NUCKS1: variants seen among roughly 807,000 people sequenced by gnomAD.
The protein encoded by NUCKS1 is nuclear casein kinase and cyclin dependent kinase substrate 1.
In NUCKS1, 2 loss-of-function variants were observed where a neutral mutation model predicts 33.0. The ratio of observed to expected loss-of-function variants is 0.06; its 90% CI spans 0.02 to 0.19. The LOEUF (loss-of-function observed/expected upper bound fraction) is 0.19. Ranked by LOEUF, NUCKS1 falls within the 10% of genes least tolerant of loss-of-function variation. The pLI is 1.00. For synonymous variants in NUCKS1, 106 were observed against 102.8 expected, an observed-to-expected ratio of 1.03 and a Z score of -0.19; for missense variants, 201 against 293.6, an observed-to-expected ratio of 0.68 and a Z score of 2.31.
intron 1 of NUCKS1, 96 bp downstream of exon 1, chr1:205,749,861 C>T: frequency 7.4e-7 from 1 of 1,346,340 alleles, no homozygotes; most frequent in South Asian, 1.2e-5. Flanking sequence ...CGCGCGGCAC[C>T]GGGGATGGCG....
rs1426420576 is a variant in NUCKS1, at chr1:205,716,377, C to G, written c.*1903G>C. On this transcript the variant is annotated 3_prime_UTR_variant, in exon 7 of 7. Coordinates refer to ENST00000367142, the MANE Select transcript of NUCKS1 (RefSeq NM_022731.5). ...TGATAGGTCTTTTACTATATGAACA[C>G]AAACTTCTTTGTTAAAAATGGATAC... 1 of 152,146 alleles carries G rather than the reference C, an allele frequency of 6.6e-6. No individual in the cohort carries two copies. The highest frequency in any genetic ancestry group is 1.5e-5 in the Non-Finnish European group (1 of 68,012). 9.4% of individuals were successfully genotyped at this position (152,146 alleles called of 1,614,324 possible).
chr1:205,725,037 CTT>C (rs1653702080), intron 3 of NUCKS1, among the ~76,000 whole-genome samples: 1 of 152,180 alleles, frequency 6.6e-6, no homozygotes. Context: ...TCCTATCTCT[CTT>C]TGTTAATTTC....
intron 6 of NUCKS1, among the ~76,000 whole-genome samples, chr1:205,718,834 G>C (rs1671873705): frequency 6.6e-6 from 1 of 152,126 alleles, no homozygotes; most frequent in African/African-American, 2.4e-5. Flanking sequence ...TTTATAAAAA[G>C]CAGGTCAAAA....
Position 205,717,826 on chromosome 1 carries a change from C to A in NUCKS1, c.*454G>T. On this transcript the variant is annotated 3_prime_UTR_variant, in exon 7 of 7. Transcript: ENST00000367142. Reference sequence around the variant, plus strand: ...AAGTCCAGGTAGAGAAAGGAGCAATCATTTTGAACTAAAATCTTTCTATGT... The same window carrying A: ...AAGTCCAGGTAGAGAAAGGAGCAATAATTTTGAACTAAAATCTTTCTATGT... 1 of 985,622 alleles carries A rather than the reference C, an allele frequency of 1.0e-6. No individual in the cohort carries two copies. Among genetic ancestry groups the A allele is most frequent in the Non-Finnish European group, 1.2e-6 (1 of 829,928 alleles). 61.1% of individuals were successfully genotyped at this position (985,622 alleles called of 1,614,324 possible).
At chr1:205,745,489 A>C (rs74702642) in intron 1 of NUCKS1, among the ~76,000 whole-genome samples, 6 of 84,386 alleles carry the variant, frequency 7.1e-5, no homozygotes. Flanking sequence ...TCCTGTCTCC[A>C]AAAAAAAAAA....
chr1:205,727,883 T>C (rs1249765251), intron 2 of NUCKS1, 78 bp from the exon 3 acceptor site: 1 of 951,824 alleles, frequency 1.1e-6, no homozygotes, highest in African/African-American at 1.6e-5. Context: ...GACATAATTA[T>C]CTCTCATGCT....
At chr1:205,748,100 G>A (rs1331617782) in intron 1 of NUCKS1, among the ~76,000 whole-genome samples, 1 of 151,966 alleles carries the variant, frequency 6.6e-6, no homozygotes, top group Non-Finnish European at 1.5e-5. Context: ...TAAAAAAGTT[G>A]TGCAGAAGTC....
intron 1 of NUCKS1, among the ~76,000 whole-genome samples, chr1:205,731,599 T>C (rs1171272881): frequency 6.6e-6 from 1 of 151,970 alleles, no homozygotes; most frequent in Non-Finnish European, 1.5e-5. Flanking sequence ...CTTAAAAAAT[T>C]AAGAGAAATA....
intron 3 of NUCKS1, among the ~76,000 whole-genome samples, chr1:205,725,679 A>T (rs1653747743): frequency 6.6e-6 from 1 of 152,220 alleles, no homozygotes; most frequent in Admixed American, 6.5e-5. Context: ...TCAACAGAGC[A>T]CTGGTCTGAG....
At chr1:205,718,537 T>C (rs1472421273) in intron 6 of NUCKS1, 58 bp from the exon 7 acceptor site, 2 of 1,589,904 alleles carry the variant, frequency 1.3e-6, no homozygotes, top group East Asian at 4.5e-5. Flanking sequence ...TTAATAAAAG[T>C]CAGCTACAAA....
chr1:205,744,250 G>A (rs823128), intron 1 of NUCKS1, among the ~76,000 whole-genome samples: 133,979 of 152,244 alleles, frequency 0.88, 59,927 homozygotes, highest in Non-Finnish European at 0.97. Context: ...TGTTCACAGT[G>A]GGATACAAAT....
intron 2 of NUCKS1, among the ~76,000 whole-genome samples, chr1:205,728,473 A>G (rs1653829101): frequency 2.6e-5 from 4 of 152,232 alleles, no homozygotes; most frequent in Admixed American, 2.6e-4. Flanking sequence ...TATTAACAAG[A>G]TACTCAAAAT....
At chr1:205,725,335 A>C (rs887743394) in intron 3 of NUCKS1, among the ~76,000 whole-genome samples, 1 of 152,238 alleles carries the variant, frequency 6.6e-6, no homozygotes, top group African/African-American at 2.4e-5. Context: ...TTCCTTTCTC[A>C]AATAGCAGGT....
At chr1:205,737,358 T>A (rs1249930080) in intron 1 of NUCKS1, among the ~76,000 whole-genome samples, 1 of 152,230 alleles carries the variant, frequency 6.6e-6, no homozygotes, top group Non-Finnish European at 1.5e-5. Context: ...ATATTATTTA[T>A]CTTCCCCAAC....
intron 4 of NUCKS1, 100 bp downstream of exon 4, chr1:205,723,826 G>T: frequency 1.2e-6 from 1 of 825,032 alleles, no homozygotes; most frequent in Non-Finnish European, 1.9e-6. Flanking sequence ...TGTAATCCCA[G>T]ATTTGCAACA....
intron 1 of NUCKS1, 68 bp from the exon 2 acceptor site, chr1:205,729,689 C>T (rs1188185672): frequency 8.6e-7 from 1 of 1,156,234 alleles, no homozygotes; most frequent in African/African-American, 1.5e-5. Context: ...TCAGAACACA[C>T]ATTTCTCTTT....
At chr1:205,747,047 T>C (rs1301204424) in intron 1 of NUCKS1, among the ~76,000 whole-genome samples, 1 of 152,198 alleles carries the variant, frequency 6.6e-6, no homozygotes, top group Non-Finnish European at 1.5e-5. Flanking sequence ...TTTCCTTCCT[T>C]CCTCACAAAG....
chr1:205,716,808 T>C lies in NUCKS1; in HGVS notation c.*1472A>G, dbSNP rs980771824. On this transcript the variant is annotated 3_prime_UTR_variant, in exon 7 of 7. Coordinates refer to ENST00000367142, the MANE Select transcript of NUCKS1 (RefSeq NM_022731.5). ...ATGTGAAGGATCAAACCTACGGATC[T>C]ATCTCCTGACTGCTTTTATAAGGCG... The C allele has an allele frequency of 6.6e-6, 1 of 152,232 alleles. No individual in the cohort carries two copies. The highest frequency in any genetic ancestry group is 2.4e-5 in the African/African-American group (1 of 41,476). 9.4% of individuals were successfully genotyped at this position (152,232 alleles called of 1,614,324 possible).
intron 1 of NUCKS1, among the ~76,000 whole-genome samples, chr1:205,735,996 G>A (rs561206898): frequency 6.6e-6 from 1 of 151,888 alleles, no homozygotes; most frequent in Non-Finnish European, 1.5e-5. Context: ...AGGTTGGAGT[G>A]CATGAAGTGC....
Sources: gnomAD v4.1 joint callset for allele counts (sites outside exome capture counted in the v4.1 genomes callset) on GRCh38, gnomAD v4.1.1 for gene constraint, MANE v1.5 for transcripts, NCBI Gene and HGNC (gene_info 2026-07-23, HGNC 2026-07-21) for gene names.